FLRT2: variants seen among roughly 807,000 people sequenced by gnomAD.
FLRT2 encodes the protein leucine-rich repeat transmembrane protein FLRT2.
Under a neutral mutation model 40.0 loss-of-function variants are expected in FLRT2, and 15 were observed. The observed-to-expected ratio is 0.38, with a 90% CI of 0.25 to 0.58. FLRT2 has a LOEUF of 0.58. FLRT2 is among the 20% of genes least tolerant of loss of function. The pLI is 0.71. For synonymous variants in FLRT2, 380 were observed against 336.8 expected (o/e 1.13, Z -1.41); for missense variants, 726 against 840.0 (o/e 0.86, Z 1.68).
At chr14:85,610,661 A>G (rs1300011142) in intron 1 of FLRT2, among the ~76,000 whole-genome samples, 1 of 152,010 alleles carries the variant, frequency 6.6e-6, no homozygotes, top group African/African-American at 2.4e-5. Flanking sequence ...TCTTGCCTAG[A>G]CCTGGACTTA....
chr14:85,603,492 A>G (rs911657438), intron 1 of FLRT2, among the ~76,000 whole-genome samples: 1 of 152,198 alleles, frequency 6.6e-6, no homozygotes, highest in African/African-American at 2.4e-5. Context: ...AAGGTCAGGT[A>G]AATAACTTCT....
intron 1 of FLRT2, among the ~76,000 whole-genome samples, chr14:85,564,357 A>G (rs1174225458): frequency 1.3e-5 from 2 of 152,208 alleles, no homozygotes; most frequent in East Asian, 3.9e-4. Flanking sequence ...ATTAAAAGAA[A>G]CACTGGTTTA....
chr14:85,606,131 A>G (rs919463227), intron 1 of FLRT2, among the ~76,000 whole-genome samples: 1 of 152,208 alleles, frequency 6.6e-6, no homozygotes, highest in Non-Finnish European at 1.5e-5. Context: ...TTATATAATT[A>G]CAGTTAAAAG....
chr14:85,534,369 T>C (rs890971539), intron 1 of FLRT2, among the ~76,000 whole-genome samples: 1 of 152,200 alleles, frequency 6.6e-6, no homozygotes, highest in African/African-American at 2.4e-5. Context: ...TAAAAAATGA[T>C]TTGAGCCCAC....
intron 1 of FLRT2, among the ~76,000 whole-genome samples, chr14:85,555,722 T>C (rs985293725): frequency 6.6e-6 from 1 of 151,126 alleles, no homozygotes; most frequent in African/African-American, 2.4e-5. Context: ...TTTTATTTTA[T>C]TTTATTTTAT....
chr14:85,551,802 C>CTTTTCCATGTTTGTAACTCACATA (rs1889640990), intron 1 of FLRT2: 1 of 152,154 alleles, frequency 6.6e-6, no homozygotes, highest in African/African-American at 2.4e-5. Context: ...TTTCCATAAT[C>CTTTTCCATGTTTGTAACTCACATA]TTTTCCATGT....
At chr14:85,586,835 A>T (rs1891639944) in intron 1 of FLRT2, among the ~76,000 whole-genome samples, 1 of 152,202 alleles carries the variant, frequency 6.6e-6, no homozygotes, top group African/African-American at 2.4e-5. Context: ...GAATCAGTTT[A>T]GTCGTGATCC....
In FLRT2 at chr14:85,622,151, G is replaced by A. The variant is rs926591443; in HGVS notation, c.637G>A (p.Gly213Arg). The change falls in exon 2 of 2, where the codon GGG (glycine) becomes AGG (arginine). Residue 213 changes from glycine (G) to arginine (R), a missense_variant. Physicochemically the swap from Gly to Arg is moderately radical, Grantham distance 125. Around this residue, in one of 3 missense-constraint regions of FLRT2, gnomAD observed 611 missense variants for 690.0 expected, o/e 0.89. Coordinates refer to ENST00000330753, the MANE Select transcript of FLRT2 (RefSeq NM_013231.6). ...GAGCTTGGAGCGTCTTATTGTGGAC[G>A]GGAACCTCCTGACCAACAAGGGTAT... ...LTSLERLIVD[G>R]NLLTNKGIAE... The A allele has an allele frequency of 1.9e-6, 3 of 1,614,094 alleles. No individual in the cohort carries two copies. The highest frequency in any genetic ancestry group is 2.5e-6 in the Non-Finnish European group (3 of 1,180,024).
chr14:85,586,135 T>A (rs866589472), intron 1 of FLRT2, among the ~76,000 whole-genome samples: 18 of 148,454 alleles, frequency 1.2e-4, no homozygotes, highest in Middle Eastern at 7.1e-3. Flanking sequence ...ATAATATATA[T>A]AATACACATA....
At chr14:85,531,238 C>T (rs1014681685) in intron 1 of FLRT2, 1 of 152,292 alleles carries the variant, frequency 6.6e-6, no homozygotes, top group Non-Finnish European at 1.5e-5. Context: ...TTCCTTGAGC[C>T]GCTTGCGTGG....
intron 1 of FLRT2, among the ~76,000 whole-genome samples, chr14:85,579,092 G>C (rs1891268248): frequency 6.6e-6 from 1 of 152,116 alleles, no homozygotes; most frequent in South Asian, 2.1e-4. Flanking sequence ...CTCCCTTCTG[G>C]ATAAGGTCCT....
At chr14:85,620,630 G>A (rs1460054703) in intron 1 of FLRT2, among the ~76,000 whole-genome samples, 1 of 152,092 alleles carries the variant, frequency 6.6e-6, no homozygotes, top group Admixed American at 6.5e-5. Context: ...TTTCTGTAAG[G>A]ATGCATCTTT....
intron 1 of FLRT2, among the ~76,000 whole-genome samples, chr14:85,572,938 T>G (rs1269680133): frequency 1.3e-5 from 2 of 152,000 alleles, no homozygotes; most frequent in Non-Finnish European, 2.9e-5. Flanking sequence ...AGAGAGAGTT[T>G]TTGTCACTCA....
chr14:85,580,685 C>G (rs10150476), intron 1 of FLRT2, among the ~76,000 whole-genome samples: 39,817 of 152,000 alleles, frequency 0.26, 6,237 homozygotes, highest in African/African-American at 0.42. Context: ...GAGCTATCAT[C>G]AGAAAACAGT....
rs78462437 is a variant in FLRT2 at position 85,646,072 on chromosome 14, G to A, written c.*22575G>A. On this transcript the variant is annotated 3_prime_UTR_variant, in exon 2 of 2. Transcript: ENST00000330753. ...ACTTACTTAATGGGACATTATTATG[G>A]TGACCCATACAACATCACTTTTAAA... 1.3e-5 allele frequency: 2 copies of A among 150,608 alleles called. No individual in the cohort carries two copies. Among genetic ancestry groups the A allele is most frequent in the Non-Finnish European group, 2.9e-5 (2 of 67,900 alleles). 9.3% of individuals were successfully genotyped at this position (150,608 alleles called of 1,614,324 possible).
chr14:85,554,309 T>C (rs772163278), intron 1 of FLRT2, among the ~76,000 whole-genome samples: 3 of 152,218 alleles, frequency 2.0e-5, no homozygotes, highest in Non-Finnish European at 4.4e-5. Flanking sequence ...AAGATAAACA[T>C]TTATCAGTGA....
rs1894455016 is a variant in FLRT2 at position 85,652,439 on chromosome 14, T to TTTGCCACCTTGAAGTTGC, written c.*28942_*28943insTTGCCACCTTGAAGTTGC. 6.6e-6 allele frequency: 1 copy of TTTGCCACCTTGAAGTTGC among 152,072 alleles called. No individual in the cohort carries two copies. Among genetic ancestry groups the TTTGCCACCTTGAAGTTGC allele is most frequent in the Admixed American group, 6.6e-5 (1 of 15,254 alleles). 9.4% of individuals were successfully genotyped at this position (152,072 alleles called of 1,614,324 possible). On this transcript the variant is annotated 3_prime_UTR_variant, in exon 2 of 2. Coordinates refer to ENST00000330753, the MANE Select transcript of FLRT2 (RefSeq NM_013231.6). ...ATTTGCATTTTCCACCTTGAAGTTG[T>TTTGCCACCTTGAAGTTGC]ATTTGCCATTTTGTTTGTTGCCATA... is the stretch of plus-strand genomic sequence containing the variant.
At chr14:85,581,574 G>T (rs539412779) in intron 1 of FLRT2, among the ~76,000 whole-genome samples, 3 of 152,098 alleles carry the variant, frequency 2.0e-5, no homozygotes, top group Non-Finnish European at 4.4e-5. Context: ...ATTAATGTTA[G>T]AAGTTGACTC....
At chr14:85,563,878 A>G (rs1169054581) in intron 1 of FLRT2, among the ~76,000 whole-genome samples, 10 of 152,220 alleles carry the variant, frequency 6.6e-5, no homozygotes, top group Admixed American at 6.5e-5. Context: ...GGTGGAGACC[A>G]TGAGTATGTC....
Sources: allele counts gnomAD v4.1 joint callset (sites outside exome capture counted in the v4.1 genomes callset), GRCh38; gene constraint gnomAD v4.1.1; regional missense constraint gnomAD v4.1.1; transcripts MANE v1.5; gene names NCBI Gene and HGNC (gene_info 2026-07-23, HGNC 2026-07-21).